Variants in PRRG4 observed in about 807,000 individuals in gnomAD.
PRRG4 encodes transmembrane gamma-carboxyglutamic acid protein 4.
In PRRG4, 12 loss-of-function variants were observed where a neutral mutation model predicts 20.0. That is an observed-to-expected ratio of 0.60 (90% CI 0.38 to 0.97). PRRG4 has a LOEUF of 0.97. PRRG4 is among the 50% of genes least tolerant of loss of function. The pLI is 0.00. For synonymous variants in PRRG4, 94 were observed against 96.4 expected, an observed-to-expected ratio of 0.98 and a Z score of 0.15; for missense variants, 199 against 265.1, an observed-to-expected ratio of 0.75 and a Z score of 1.73.
chr11:32,830,654 G>A, intron 2 of PRRG4, 22 bp downstream of exon 2: 1 of 1,613,786 alleles, frequency 6.2e-7, no homozygotes, highest in Non-Finnish European at 8.5e-7. Context: ...AACGTCCCTG[G>A]AACCCAGAGC....
chr11:32,854,238 G>C lies in PRRG4; in HGVS notation c.*711G>C, dbSNP rs1056337. ...ATTTCTTGTGTTGAATATTAAAAAA[G>C]CAAGGATGTCTAACCATTAAGATTA... On this transcript the variant is annotated 3_prime_UTR_variant, in exon 6 of 6. Coordinates refer to ENST00000257836, the MANE Select transcript of PRRG4 (RefSeq NM_024081.6). The C allele has an allele frequency of 6.6e-6, 1 of 152,116 alleles. No individual in the cohort carries two copies. The highest frequency in any genetic ancestry group is 2.4e-5 in the African/African-American group (1 of 41,416). The allele number at this position is 152,116 out of a possible 1,614,324, so 9.4% of individuals were successfully genotyped here.
At chr11:32,839,776 A>ATAG (rs61345408) in intron 4 of PRRG4, among the ~76,000 whole-genome samples, 2 of 146,514 alleles carry the variant, frequency 1.4e-5, no homozygotes, top group African/African-American at 4.9e-5. Flanking sequence ...TAAAATATAA[A>ATAG]TATATTTTGA....
chr11:32,830,106 G>T lies in PRRG4; in HGVS notation c.-90G>T. 1.0e-6 allele frequency: 1 copy of T among 992,390 alleles called. No homozygotes were observed. Among genetic ancestry groups the T allele is most frequent in the Non-Finnish European group, 1.2e-6 (1 of 834,910 alleles). The allele number at this position is 992,390 out of a possible 1,614,324, so 61.5% of individuals were successfully genotyped here. On this transcript the variant is annotated 5_prime_UTR_variant, in exon 1 of 6. Coordinates refer to ENST00000257836, the MANE Select transcript of PRRG4 (RefSeq NM_024081.6). Reference sequence around the variant, plus strand: ...GGCGCCGGAGACCGAGGGCCTGGCGGCCGAAGGAACCGCCCCAAGAAGAGC... The same window carrying T: ...GGCGCCGGAGACCGAGGGCCTGGCGTCCGAAGGAACCGCCCCAAGAAGAGC...
intron 5 of PRRG4, among the ~76,000 whole-genome samples, chr11:32,843,278 T>C (rs935201058): frequency 6.6e-6 from 1 of 152,116 alleles, no homozygotes; most frequent in African/African-American, 2.4e-5. Flanking sequence ...TATCCTGTTT[T>C]TTGCCTACAA....
intron 5 of PRRG4, among the ~76,000 whole-genome samples, chr11:32,847,812 G>A (rs996290816): frequency 5.3e-5 from 8 of 152,178 alleles, no homozygotes; most frequent in African/African-American, 1.9e-4. Context: ...AAAAAATAAT[G>A]AAGTTCTGAT....
intron 1 of PRRG4, 104 bp from the exon 2 acceptor site, chr11:32,830,404 C>G (rs1468385803): frequency 7.6e-5 from 77 of 1,015,772 alleles, no homozygotes; most frequent in Non-Finnish European, 9.6e-5. Flanking sequence ...GGCGCTCTTG[C>G]GCCTAGGCTT....
chr11:32,846,168 A>AAAT (rs1326331597), intron 5 of PRRG4, among the ~76,000 whole-genome samples: 37 of 151,742 alleles, frequency 2.4e-4, no homozygotes, highest in South Asian at 1.7e-3. Context: ...TAATAATAAA[A>AAAT]AATAATAATA....
chr11:32,830,755 T>G, intron 2 of PRRG4, 123 bp downstream of exon 2: 1 of 1,462,042 alleles, frequency 6.8e-7, no homozygotes, highest in South Asian at 1.3e-5. Context: ...TTTAGTTTAA[T>G]TTGTGGCATA....
chr11:32,832,530 G>A (rs957119021), intron 2 of PRRG4, among the ~76,000 whole-genome samples: 1 of 146,782 alleles, frequency 6.8e-6, no homozygotes, highest in Non-Finnish European at 1.5e-5. Flanking sequence ...TCCCAGGCTG[G>A]AGTGCAGTGG....
Position 32,853,580 on chromosome 11 carries a change from G to A in PRRG4, c.*53G>A. 1.4e-6 allele frequency: 2 copies of A among 1,408,716 alleles called. No homozygotes were observed. Among genetic ancestry groups the A allele is most frequent in the Non-Finnish European group, 2.0e-6 (2 of 1,008,716 alleles). The allele number at this position is 1,408,716 out of a possible 1,614,324, so 87.3% of individuals were successfully genotyped here. A position where few individuals can be genotyped will look rare whatever the true frequency, so the allele number is the denominator to read the frequency against. Reference sequence around the variant, plus strand: ...TTGTGTTATTTGATAGGCCGGGCATGGTGGCTCATGCCTGTAATCCCAGCA... The same window carrying A: ...TTGTGTTATTTGATAGGCCGGGCATAGTGGCTCATGCCTGTAATCCCAGCA... On this transcript the variant is annotated 3_prime_UTR_variant, in exon 6 of 6. Transcript: ENST00000257836.
chr11:32,844,464 T>G (rs571856890), intron 5 of PRRG4, among the ~76,000 whole-genome samples: 41 of 136,196 alleles, frequency 3.0e-4, no homozygotes, highest in Non-Finnish European at 4.9e-4. Flanking sequence ...CAATAAATGT[T>G]AGCTATTATT....
chr11:32,845,756 G>A (rs2133447218), intron 5 of PRRG4, among the ~76,000 whole-genome samples: 1 of 152,208 alleles, frequency 6.6e-6, no homozygotes, highest in Admixed American at 6.5e-5. Context: ...AACTAGGAAG[G>A]GGTGTTTCAA....
At chr11:32,835,321 A>G (rs1851011031) in intron 2 of PRRG4, among the ~76,000 whole-genome samples, 2 of 152,372 alleles carry the variant, frequency 1.3e-5, no homozygotes, top group Admixed American at 6.5e-5. Flanking sequence ...ATGATCTCTC[A>G]TGAACAGTCT....
At chr11:32,833,747 T>C (rs1401314736) in intron 2 of PRRG4, among the ~76,000 whole-genome samples, 1 of 152,198 alleles carries the variant, frequency 6.6e-6, no homozygotes, top group Admixed American at 6.5e-5. Context: ...TGAGCACCTC[T>C]TATGGGCCAA....
chr11:32,853,084 G>A (rs762311931), intron 5 of PRRG4, among the ~76,000 whole-genome samples: 13 of 151,614 alleles, frequency 8.6e-5, no homozygotes, highest in African/African-American at 1.5e-4. Context: ...CACCACGCCC[G>A]GCCCAGGATC....
chr11:32,841,689 A>G (rs1851081135), intron 5 of PRRG4, among the ~76,000 whole-genome samples: 1 of 152,096 alleles, frequency 6.6e-6, no homozygotes, highest in Admixed American at 6.5e-5. Context: ...CTGAGGCTGT[A>G]GTCTCATCTG....
intron 5 of PRRG4, among the ~76,000 whole-genome samples, chr11:32,843,882 C>T (rs1211276661): frequency 6.6e-6 from 1 of 152,118 alleles, no homozygotes; most frequent in Non-Finnish European, 1.5e-5. Context: ...TGGAATCATA[C>T]AGTATTAGTC....
chr11:32,837,746 C>T (rs1381167481), intron 3 of PRRG4, among the ~76,000 whole-genome samples: 1 of 151,740 alleles, frequency 6.6e-6, no homozygotes, highest in African/African-American at 2.4e-5. Flanking sequence ...TTAGTAGAGA[C>T]AGGGTTTCAC....
At chr11:32,843,728 CTGTT>C (rs1851101119) in intron 5 of PRRG4, among the ~76,000 whole-genome samples, 1 of 62,492 alleles carries the variant, frequency 1.6e-5, no homozygotes, top group Admixed American at 2.1e-4. Flanking sequence ...TCCCGTTTTT[CTGTT>C]TTTTTTTTTT....
Sources: allele counts gnomAD v4.1 joint callset (sites outside exome capture counted in the v4.1 genomes callset), GRCh38; gene constraint gnomAD v4.1.1; transcripts MANE v1.5; gene names NCBI Gene and HGNC (gene_info 2026-07-23, HGNC 2026-07-21).